CELSR2: variants seen among roughly 807,000 people sequenced by gnomAD.
The protein encoded by CELSR2 is cadherin EGF LAG seven-pass G-type receptor 2.
In CELSR2, 81 loss-of-function variants were observed where a neutral mutation model predicts 251.6. The observed-to-expected ratio is 0.32, with a 90% CI of 0.27 to 0.39. CELSR2 has a LOEUF of 0.39. Among genes scored for constraint, CELSR2 ranks in the 10% least tolerant of loss-of-function variants. CELSR2 has a pLI of 1.00. For missense variants in CELSR2, 3,365 were observed against 3,947.7 expected, an observed-to-expected ratio of 0.85 and a Z score of 3.96; for synonymous variants, 1,721 against 1,670.5, an observed-to-expected ratio of 1.03 and a Z score of -0.74.
chr1:109,270,612 CATTCCCAGT>C lies in CELSR2; in HGVS notation c.7483+13_7483+21del. 6.3e-7 allele frequency: 1 copy of C among 1,588,884 alleles called. No individual in the cohort carries two copies. On this transcript the variant is annotated intron_variant, in intron 24 of 33. Transcript: ENST00000271332. The stretch of plus-strand genomic sequence containing the variant: ...TGCCTTCATCACAGGTACTCCCACC[CATTCCCAGT>C]CTTGGGGTCCCACATCCCTGGGTCC...
intron 2 of CELSR2, 143 bp downstream of exon 2, chr1:109,259,222 G>T (rs1570781598): frequency 1.3e-6 from 1 of 760,396 alleles, no homozygotes; most frequent in Non-Finnish European, 2.1e-6. Context: ...AATCCGGCCT[G>T]CTCCCTGACA....
Position 109,263,040 on chromosome 1 carries a change from A to T in CELSR2, c.4708+71A>T, listed in dbSNP as rs558464720. On this transcript the variant is annotated intron_variant, in intron 7 of 33. Coordinates refer to ENST00000271332, the MANE Select transcript of CELSR2 (RefSeq NM_001408.3). Reference sequence around the variant, plus strand: ...AGGAGGGGCTGTGCCTGGTGTGAGGATGCCAGAATGGAGGGTCTCAGAGGC... The same window carrying T: ...AGGAGGGGCTGTGCCTGGTGTGAGGTTGCCAGAATGGAGGGTCTCAGAGGC... 1.2e-4 allele frequency: 189 copies of T among 1,587,820 alleles called. No individual in the cohort carries two copies. In the African/African-American group the frequency reaches 2.0e-3, roughly 17 times the overall value.
Position 109,258,633 on chromosome 1 carries a change from G to T in CELSR2, c.3512G>T (p.Arg1171Leu), listed in dbSNP as rs753762805. Residue 1171 changes from arginine (R) to leucine (L), a missense_variant, in exon 2 of 34, where the codon CGG (arginine) becomes CTG (leucine). By Grantham distance (102) the Arg-to-Leu change is moderately radical. Coordinates refer to ENST00000271332, the MANE Select transcript of CELSR2 (RefSeq NM_001408.3). Reference protein sequence around the residue: ...PDHVVVFNVQRDTDAPGGHIL... With the variant: ...PDHVVVFNVQLDTDAPGGHIL... Reference sequence around the variant, plus strand: ...CACGTGGTGGTCTTCAACGTACAGCGGGACACCGACGCCCCCGGGGGCCAC... The same window carrying T: ...CACGTGGTGGTCTTCAACGTACAGCTGGACACCGACGCCCCCGGGGGCCAC... 7 of 1,561,432 alleles carry T rather than the reference G, an allele frequency of 4.5e-6. No homozygotes were observed. In the Middle Eastern group the frequency reaches 5.0e-4, roughly 112 times the overall value.
In CELSR2 at chr1:109,250,615, C is replaced by T. The variant is rs773675353; in HGVS notation, c.536C>T (p.Pro179Leu). 1 of 1,614,016 alleles carries T rather than the reference C, an allele frequency of 6.2e-7. No individual in the cohort carries two copies. The highest frequency in any genetic ancestry group is 1.1e-5 in the South Asian group (1 of 91,080). ...GRRKRNVNTA[P>L]QFQPPSYQAT... The stretch of plus-strand genomic sequence containing the variant: ...CGGAAAAGGAATGTAAATACAGCCC[C>T]CCAGTTCCAGCCCCCCAGCTACCAG... Residue 179 changes from proline (P) to leucine (L), a missense_variant, in exon 1 of 34, where the codon CCC (proline) becomes CTC (leucine). Pro to Leu is a moderately conservative substitution (Grantham distance 98). This residue lies in a region of CELSR2 where 704 missense variants were observed against 784.1 expected (regional missense o/e 0.90). Transcript: ENST00000271332. The surrounding 1 kb of genome is among the most constrained non-coding windows in gnomAD (Gnocchi z 4.4).
At chr1:109,271,999 C>G (rs964461619) in intron 28 of CELSR2, among the ~76,000 whole-genome samples, 1 of 152,106 alleles carries the variant, frequency 6.6e-6, no homozygotes, top group Non-Finnish European at 1.5e-5. Flanking sequence ...TTCTGTCTCC[C>G]AAGGTGCTCT....
rs202175893 is a variant in CELSR2, at chr1:109,252,316, G to A, written c.2237G>A (p.Arg746His). The change falls in exon 1 of 34, where the codon CGC (arginine) becomes CAC (histidine). Residue 746 changes from arginine (R) to histidine (H), a missense_variant. Around this residue, in one of 5 missense-constraint regions of CELSR2, gnomAD observed 505 missense variants for 660.0 expected, o/e 0.77. Coordinates refer to ENST00000271332, the MANE Select transcript of CELSR2 (RefSeq NM_001408.3). This position sits in a 1 kb window ranked among gnomAD's most constrained non-coding sequence, Gnocchi z 4.8. ...ATDEDTGENARITYFMEDSIP... is the reference protein window; with the variant it reads ...ATDEDTGENAHITYFMEDSIP... ...GATGAGGACACAGGTGAGAATGCCC[G>A]CATCACCTACTTCATGGAGGACAGC... 3 of 1,613,106 alleles carry A rather than the reference G, an allele frequency of 1.9e-6. No homozygotes were observed. The highest frequency in any genetic ancestry group is 1.7e-6 in the Non-Finnish European group (2 of 1,180,034).
In CELSR2 at chr1:109,274,316, G is replaced by A. The variant is rs1432990786; in HGVS notation, c.*267G>A. ...CTCCAAGACAAAGTTTTTCAGAAAAGAGGAAAAAAAGAATTTAAAAAAGGA... is the reference window on the plus strand; with the variant it reads ...CTCCAAGACAAAGTTTTTCAGAAAAAAGGAAAAAAAGAATTTAAAAAAGGA... On this transcript the variant is annotated 3_prime_UTR_variant, in exon 34 of 34. Transcript: ENST00000271332. 1 of 691,638 alleles carries A rather than the reference G, an allele frequency of 1.4e-6. No homozygotes were observed. Among genetic ancestry groups the A allele is most frequent in the Non-Finnish European group, 2.2e-6 (1 of 449,672 alleles). The allele number at this position is 691,638 out of a possible 1,614,324, so 42.8% of individuals were successfully genotyped here.
Position 109,258,998 on chromosome 1 carries a change from T to C in CELSR2, c.3877T>C (p.Tyr1293His), listed in dbSNP as rs200857942. 353 of 1,606,668 alleles carry C rather than the reference T, an allele frequency of 2.2e-4. 2 individuals carry two copies. The highest frequency in any genetic ancestry group is 1.4e-4 in the Non-Finnish European group (165 of 1,179,152). ...DYCETEVDLC[Y>H]SRPCGPHGRC... Reference sequence around the variant, plus strand: ...CTGCGAGACCGAGGTGGACCTCTGCTACTCGCGGCCCTGTGGCCCCCACGG... The same window carrying C: ...CTGCGAGACCGAGGTGGACCTCTGCCACTCGCGGCCCTGTGGCCCCCACGG... Residue 1293 changes from tyrosine (Y) to histidine (H), a missense_variant, in exon 2 of 34, where the codon TAC (tyrosine) becomes CAC (histidine). Around this residue, in one of 5 missense-constraint regions of CELSR2, gnomAD observed 2,093 missense variants for 2,382.8 expected, o/e 0.88. Coordinates refer to ENST00000271332, the MANE Select transcript of CELSR2 (RefSeq NM_001408.3).
rs147176480 is a variant in CELSR2, at chr1:109,265,747, C to T, written c.5740C>T (p.Arg1914Trp). The T allele has an allele frequency of 8.1e-6, 13 of 1,610,844 alleles. No individual in the cohort carries two copies. Among genetic ancestry groups the T allele is most frequent in the African/African-American group, 2.7e-5 (2 of 74,868 alleles). The change falls in exon 14 of 34, where the codon CGG becomes TGG. Residue 1914 changes from arginine (R) to tryptophan (W), a missense_variant. Physicochemically the swap from Arg to Trp is moderately radical, Grantham distance 101. This residue lies in a region of CELSR2 where 2,093 missense variants were observed against 2,382.8 expected (regional missense o/e 0.88). Coordinates refer to ENST00000271332, the MANE Select transcript of CELSR2 (RefSeq NM_001408.3). ...GECHCKENHYRPPGSPTCLLC... is the reference protein window; with the variant it reads ...GECHCKENHYWPPGSPTCLLC... ...CCTCCTTTCTCAGGAGAACCACTAC[C>T]GGCCCCCAGGCAGCCCCACCTGCCT...
rs549106101 is a variant in CELSR2, at chr1:109,267,920, C to T, written c.6178C>T (p.Arg2060Cys). 13 of 1,611,434 alleles carry T rather than the reference C, an allele frequency of 8.1e-6. No individual in the cohort carries two copies. The highest frequency in any genetic ancestry group is 3.3e-5 in the South Asian group (3 of 91,070). Reference sequence around the variant, plus strand: ...CTCCCAGCAGCTAGCCCTGCTCCTGCGCAACGCCACGCAGCACACAGCTGG... The same window carrying T: ...CTCCCAGCAGCTAGCCCTGCTCCTGTGCAACGCCACGCAGCACACAGCTGG... ...GRSQQLALLL[R>C]NATQHTAGYF... Residue 2060 changes from arginine to cysteine, a missense_variant, in exon 17 of 34, where the codon CGC (arginine) becomes TGC (cysteine). Physicochemically the swap from Arg to Cys is radical, Grantham distance 180. Coordinates refer to ENST00000271332, the MANE Select transcript of CELSR2 (RefSeq NM_001408.3).
chr1:109,273,558 C>T lies in CELSR2; in HGVS notation c.8632C>T (p.Pro2878Ser). 1 of 1,569,396 alleles carries T rather than the reference C, an allele frequency of 6.4e-7. No homozygotes were observed. The highest frequency in any genetic ancestry group is 8.6e-7 in the Non-Finnish European group (1 of 1,157,404). The change falls in exon 33 of 34, where the codon CCC (proline) becomes TCC (serine). Residue 2878 changes from proline to serine, a missense_variant. This residue lies in a region of CELSR2 where 2,093 missense variants were observed against 2,382.8 expected (regional missense o/e 0.88). Coordinates refer to ENST00000271332, the MANE Select transcript of CELSR2 (RefSeq NM_001408.3). ...CGCTAGTGAGGGCAGCCGGGGAGGCCCCCCTCCCCGCCCACCGCCCCGGCA... is the reference window on the plus strand; with the variant it reads ...CGCTAGTGAGGGCAGCCGGGGAGGCTCCCCTCCCCGCCCACCGCCCCGGCA... ...SSASEGSRGGPPPRPPPRQSL... is the reference protein window; with the variant it reads ...SSASEGSRGGSPPRPPPRQSL...
intron 30 of CELSR2, 33 bp downstream of exon 30, chr1:109,272,761 G>A (rs757608328): frequency 6.2e-7 from 1 of 1,612,754 alleles, no homozygotes; most frequent in Non-Finnish European, 8.5e-7. Context: ...ACCCAGCAGG[G>A]CAGTTGGCTG....
At chr1:109,253,429 C>T (rs771349762) in intron 1 of CELSR2, 40 bp downstream of exon 1, 26 of 1,583,106 alleles carry the variant, frequency 1.6e-5, no homozygotes, top group Non-Finnish European at 2.1e-5. Flanking sequence ...GGGGGTAGCT[C>T]GCGGGGATGG....
Position 109,274,875 on chromosome 1 carries a change from G to C in CELSR2, c.*826G>C, listed in dbSNP as rs1356124012. ...ATTTTTCGTGCCCGCCCCGCGCCCC[G>C]GGCAGGCCAGTCATGTGTTAAGTTG... On this transcript the variant is annotated 3_prime_UTR_variant, in exon 34 of 34. Coordinates refer to ENST00000271332, the MANE Select transcript of CELSR2 (RefSeq NM_001408.3). 1.3e-5 allele frequency: 2 copies of C among 152,746 alleles called. No individual in the cohort carries two copies. The highest frequency in any genetic ancestry group is 6.5e-5 in the Admixed American group (1 of 15,278). The allele number at this position is 152,746 out of a possible 1,614,324, so 9.5% of individuals were successfully genotyped here.
rs369617440 is a variant in CELSR2 at position 109,250,446 on chromosome 1, C to T, written c.367C>T (p.Leu123Phe). ...SCRLLGIGGH[L>F]SPQGKLTLPE... Reference sequence around the variant, plus strand: ...TCGCCTCCTGGGCATTGGAGGCCACCTTTCCCCACAGGGCAAGCTCACACT... The same window carrying T: ...TCGCCTCCTGGGCATTGGAGGCCACTTTTCCCCACAGGGCAAGCTCACACT... The change falls in exon 1 of 34, where the codon CTT (leucine) becomes TTT (phenylalanine). Residue 123 changes from leucine (L) to phenylalanine (F), a missense_variant. Leu to Phe is a conservative substitution (Grantham distance 22, BLOSUM62 0). This residue lies in a region of CELSR2 where 704 missense variants were observed against 784.1 expected (regional missense o/e 0.90). Coordinates refer to ENST00000271332, the MANE Select transcript of CELSR2 (RefSeq NM_001408.3). The surrounding 1 kb of genome is among the most constrained non-coding windows in gnomAD (Gnocchi z 4.4). The T allele has an allele frequency of 8.1e-6, 13 of 1,613,756 alleles. No homozygotes were observed. In the South Asian group the frequency reaches 1.4e-4, roughly 18 times the overall value.
Position 109,265,890 on chromosome 1 carries a change from T to C in CELSR2, c.5883T>C (p.Phe1961=), listed in dbSNP as rs1288395500. Residue 1961 remains phenylalanine (F), a synonymous_variant, in exon 14 of 34, where the codon TTT becomes TTC. Coordinates refer to ENST00000271332, the MANE Select transcript of CELSR2 (RefSeq NM_001408.3). ...GRQCDRCDNP[F]AEVTTNGCEV... is the part of the protein sequence containing the mutation. ...AGTGTGACCGCTGTGACAACCCTTT[T>C]GCTGAGGTCACCACCAATGGCTGTG... 2.5e-6 allele frequency: 4 copies of C among 1,613,752 alleles called. No homozygotes were observed. The highest frequency in any genetic ancestry group is 2.5e-6 in the Non-Finnish European group (3 of 1,179,918).
intron 15 of CELSR2, 26 bp downstream of exon 15, chr1:109,266,232 T>C (rs1656183688): frequency 6.2e-7 from 1 of 1,612,762 alleles, no homozygotes; most frequent in Non-Finnish European, 8.5e-7. Context: ...CCCGATGTGA[T>C]GTCGAGGACA....
chr1:109,266,525 T>G, intron 15 of CELSR2: 1 of 191,418 alleles, frequency 5.2e-6, no homozygotes. Context: ...GCAATTTTCC[T>G]GCCTAAGCCT....
intron 1 of CELSR2, among the ~76,000 whole-genome samples, chr1:109,253,602 G>A (rs1227670226): frequency 6.6e-6 from 1 of 152,278 alleles, no homozygotes; most frequent in Non-Finnish European, 1.5e-5. Context: ...GGGCTGGGCT[G>A]GGCTGCTTCG....
Sources: gnomAD v4.1 joint callset for allele counts (sites outside exome capture counted in the v4.1 genomes callset) on GRCh38, gnomAD v4.1.1 for gene constraint, gnomAD v4.1.1 regional missense constraint, Gnocchi (gnomAD v3.1) non-coding constraint, MANE v1.5 for transcripts, NCBI Gene and HGNC (gene_info 2026-07-23, HGNC 2026-07-21) for gene names.